Variants in PPP6R3 observed in about 807,000 individuals in gnomAD.
The protein encoded by PPP6R3 is serine/threonine-protein phosphatase 6 regulatory subunit 3.
A neutral mutation model predicts 110.7 loss-of-function variants in PPP6R3; 38 were observed. The ratio of observed to expected loss-of-function variants is 0.34; its 90% CI spans 0.26 to 0.45. The LOEUF (loss-of-function observed/expected upper bound fraction) is 0.45, where lower values mean the gene tolerates loss of function less well. Ranked by LOEUF, PPP6R3 falls within the 20% of genes least tolerant of loss-of-function variation. The pLI is 1.00. For synonymous variants in PPP6R3, 369 were observed against 373.5 expected (o/e 0.99, Z 0.14); for missense variants, 870 against 1,062.4 (o/e 0.82, Z 2.52).
At chr11:68,515,441 G>A (rs1251312008) in intron 1 of PPP6R3, among the ~76,000 whole-genome samples, 1 of 152,252 alleles carries the variant, frequency 6.6e-6, no homozygotes, top group Non-Finnish European at 1.5e-5. Context: ...CGGTAGGGGG[G>A]CAGCAATCCT....
intron 23 of PPP6R3, among the ~76,000 whole-genome samples, chr11:68,612,320 G>A (rs1943919226): frequency 6.6e-6 from 1 of 152,192 alleles, no homozygotes; most frequent in African/African-American, 2.4e-5. Flanking sequence ...GGCATGAGTA[G>A]CATTCTAGCT....
At chr11:68,589,921 G>C (rs1326606253) in intron 16 of PPP6R3, among the ~76,000 whole-genome samples, 1 of 152,236 alleles carries the variant, frequency 6.6e-6, no homozygotes, top group Non-Finnish European at 1.5e-5. Context: ...AAGAACACAA[G>C]ATATTCTGTC....
At chr11:68,601,030 CAGTT>C (rs985306263) in intron 20 of PPP6R3, among the ~76,000 whole-genome samples, 3 of 152,284 alleles carry the variant, frequency 2.0e-5, no homozygotes, top group African/African-American at 7.2e-5. Flanking sequence ...TTTGGGCTGA[CAGTT>C]AGTGTCTTAG....
intron 1 of PPP6R3, among the ~76,000 whole-genome samples, chr11:68,478,647 G>GTTTTTTTTGTTTTTTTT (rs2098861086): frequency 2.0e-5 from 1 of 50,506 alleles, no homozygotes; most frequent in Non-Finnish European, 3.1e-5. Flanking sequence ...CACTTGGTAA[G>GTTTTTTTTGTTTTTTTT]TTTTTTTTTT....
rs1235267993 is a variant in PPP6R3 at position 68,556,472 on chromosome 11, T to A, written c.732-2094T>A. 9.4e-5 allele frequency among the ~76,000 whole-genome samples: 14 copies of A among 149,422 alleles called. No homozygotes were observed. In the Admixed American group the frequency reaches 9.4e-4, roughly 10 times the overall value. On this transcript the variant is annotated intron_variant, in intron 7 of 23. Transcript: ENST00000393800. ...TGAATTCTTGATACTAATGACCTTA[T>A]AACAAGTTGGGTTTGATCCCATTCA...
At chr11:68,484,330 A>G (rs2098933011) in intron 1 of PPP6R3, among the ~76,000 whole-genome samples, 1 of 152,190 alleles carries the variant, frequency 6.6e-6, no homozygotes, top group Non-Finnish European at 1.5e-5. Flanking sequence ...CGCACCAGCA[A>G]TGAATGAGAG....
In PPP6R3 at chr11:68,601,926, C is replaced by T. The variant is rs769686075; in HGVS notation, c.2256C>T (p.Asp752=). Residue 752 remains aspartate (D), a synonymous_variant, in exon 21 of 24, where the codon GAC becomes GAT. Coordinates refer to ENST00000393800, the MANE Select transcript of PPP6R3 (RefSeq NM_001164161.2). ...VEMETSTEPM[D]PLTPSAAALA... is the part of the protein sequence containing the mutation. ...TGGAAACCAGCACTGAACCCATGGA[C>T]CCTCTGACTCCCAGTGCGGCTGCCC... 2.5e-6 allele frequency: 4 copies of T among 1,613,500 alleles called. No homozygotes were observed. The highest frequency in any genetic ancestry group is 2.2e-5 in the South Asian group (2 of 90,872).
chr11:68,571,274 T>G lies in PPP6R3; in HGVS notation c.1343+170T>G, dbSNP rs186560463. 106 of 991,648 alleles carry G rather than the reference T, an allele frequency of 1.1e-4. No homozygotes were observed. In the East Asian group the frequency reaches 3.3e-3, roughly 30 times the overall value. 61.4% of individuals were successfully genotyped at this position (991,648 alleles called of 1,614,324 possible). A position where few individuals can be genotyped will look rare whatever the true frequency, so the allele number is the denominator to read the frequency against. ...ATTGTAACAGTTGTTTTTATAATAC[T>G]AATAATTTCTTGTTAGGTCCTCTTG... On this transcript the variant is annotated intron_variant, in intron 12 of 23. Transcript: ENST00000393800.
At chr11:68,565,467 G>T (rs1231614837) in intron 9 of PPP6R3, among the ~76,000 whole-genome samples, 3 of 151,978 alleles carry the variant, frequency 2.0e-5, no homozygotes, top group African/African-American at 7.3e-5. Flanking sequence ...GACAATGATG[G>T]TCAGTGGCAT....
chr11:68,609,160 A>T (rs7103634), intron 22 of PPP6R3, among the ~76,000 whole-genome samples: 1,677 of 152,198 alleles, frequency 0.011, 32 homozygotes, highest in African/African-American at 0.038. Flanking sequence ...AGCTGAGGAG[A>T]GTGTCTCTTG....
intron 10 of PPP6R3, among the ~76,000 whole-genome samples, chr11:68,568,170 A>G (rs956004632): frequency 2.6e-5 from 4 of 152,040 alleles, no homozygotes; most frequent in Non-Finnish European, 4.4e-5. Flanking sequence ...GGAAAAAGAG[A>G]TGAAGATTTA....
chr11:68,595,116 C>T (rs1359782047), intron 18 of PPP6R3, among the ~76,000 whole-genome samples: 1 of 148,878 alleles, frequency 6.7e-6, no homozygotes, highest in African/African-American at 2.5e-5. Flanking sequence ...AAAACTTCTA[C>T]AAGAAAACTT....
intron 4 of PPP6R3, among the ~76,000 whole-genome samples, chr11:68,547,335 T>G (rs908150671): frequency 1.3e-5 from 2 of 151,752 alleles, no homozygotes; most frequent in African/African-American, 4.8e-5. Flanking sequence ...TCGCAGAGGG[T>G]TTGGGAATAG....
intron 22 of PPP6R3, chr11:68,609,381 C>T: frequency 1.5e-6 from 1 of 687,172 alleles, no homozygotes; most frequent in Non-Finnish European, 2.6e-6. Context: ...GGCTTCCAGC[C>T]AGCAAGCTGA....
At chr11:68,569,926 C>G in intron 11 of PPP6R3, 29 bp downstream of exon 11, 5 of 1,584,660 alleles carry the variant, frequency 3.2e-6, no homozygotes, top group Non-Finnish European at 4.3e-6. Flanking sequence ...GTTTTTCTCC[C>G]ACTCTCTCCT....
At chr11:68,504,308 G>C (rs755564236) in intron 1 of PPP6R3, among the ~76,000 whole-genome samples, 1 of 151,942 alleles carries the variant, frequency 6.6e-6, no homozygotes, top group South Asian at 2.1e-4. Context: ...TATACAGGTG[G>C]GTCTGGTATA....
At position 68,573,091 on chromosome 11, in the gene PPP6R3, A is replaced by G. The variant is rs529631367; in HGVS notation, c.1344-1018A>G. Among the ~76,000 whole-genome samples, 70 of 130,344 alleles carry G rather than the reference A, an allele frequency of 5.4e-4. No individual in the cohort carries two copies. The East Asian group carries it at 0.013, about 23-fold the overall frequency. The allele number at this position is 130,344 out of a possible 152,430, so 85.5% of individuals were successfully genotyped here. A position where few individuals can be genotyped will look rare whatever the true frequency, so the allele number is the denominator to read the frequency against. On this transcript the variant is annotated intron_variant, in intron 12 of 23. Transcript: ENST00000393800. ...CACTTTGTAAATAGGTAGAGAAATCAGATTAATATGAGTTTACTTATTTTA... is the reference window on the plus strand; with the variant it reads ...CACTTTGTAAATAGGTAGAGAAATCGGATTAATATGAGTTTACTTATTTTA...
At chr11:68,481,106 A>G (rs1294847801) in intron 1 of PPP6R3, among the ~76,000 whole-genome samples, 1 of 152,214 alleles carries the variant, frequency 6.6e-6, no homozygotes, top group African/African-American at 2.4e-5. Context: ...TTTAGCATTT[A>G]TAATACATGG....
chr11:68,601,977 C>T lies in PPP6R3; in HGVS notation c.2299+8C>T, dbSNP rs1566147825. 1 of 1,602,802 alleles carries T rather than the reference C, an allele frequency of 6.2e-7. No individual in the cohort carries two copies. On this transcript the variant is annotated splice_region_variant and intron_variant, in intron 21 of 23. Coordinates refer to ENST00000393800, the MANE Select transcript of PPP6R3 (RefSeq NM_001164161.2). ...TGGCAGTGCAGCCAGAAGGTGCGTG[C>T]AGAGAGGCCTGGGTACACGCCAGGG...
Sources: allele counts gnomAD v4.1 joint callset (sites outside exome capture counted in the v4.1 genomes callset), GRCh38; gene constraint gnomAD v4.1.1; transcripts MANE v1.5; gene names NCBI Gene and HGNC (gene_info 2026-07-23, HGNC 2026-07-21).